CDH2: variants seen among roughly 807,000 people sequenced by gnomAD.
CDH2 encodes cadherin-2.
A neutral mutation model predicts 92.0 loss-of-function variants in CDH2; 17 were observed. The observed-to-expected ratio is 0.18, with a 90% CI of 0.13 to 0.28. CDH2 has a LOEUF of 0.28. Among genes scored for constraint, CDH2 ranks in the 10% least tolerant of loss-of-function variants. The pLI, the probability that CDH2 is intolerant of heterozygous loss-of-function variation, is 1.00. For synonymous variants in CDH2, 419 were observed against 415.9 expected (o/e 1.01, Z -0.09); for missense variants, 862 against 1,133.1 (o/e 0.76, Z 3.44).
At chr18:27,967,669 T>C (rs2011563355) in intron 14 of CDH2, among the ~76,000 whole-genome samples, 1 of 152,242 alleles carries the variant, frequency 6.6e-6, no homozygotes. Context: ...GGAATATGTG[T>C]TAATTGGCAA....
intron 1 of CDH2, among the ~76,000 whole-genome samples, chr18:28,154,639 G>A (rs1219060122): frequency 1.3e-5 from 2 of 152,122 alleles, no homozygotes; most frequent in Admixed American, 6.5e-5. Flanking sequence ...CTTTAAAGCC[G>A]AGTCCACTAC....
At chr18:28,093,506 ATTTAGC>A (rs1188411501) in intron 2 of CDH2, among the ~76,000 whole-genome samples, 1 of 152,096 alleles carries the variant, frequency 6.6e-6, no homozygotes, top group African/African-American at 2.4e-5. Context: ...GGAAGATACT[ATTTAGC>A]TTTGTCTGGT....
chr18:28,146,527 A>T (rs891772506), intron 2 of CDH2: 1 of 152,128 alleles, frequency 6.6e-6, no homozygotes, highest in African/African-American at 2.4e-5. Flanking sequence ...GGCAGGGACA[A>T]GAGAATGCCT....
chr18:28,039,569 A>G (rs2013908565), intron 2 of CDH2, among the ~76,000 whole-genome samples: 1 of 152,206 alleles, frequency 6.6e-6, no homozygotes, highest in African/African-American at 2.4e-5. Flanking sequence ...TGCCATTATT[A>G]GGGACCAAAT....
At chr18:28,047,929 T>G (rs2014114143) in intron 2 of CDH2, among the ~76,000 whole-genome samples, 1 of 151,822 alleles carries the variant, frequency 6.6e-6, no homozygotes, top group South Asian at 2.1e-4. Context: ...GTGATATGTT[T>G]TTGCCTCTAT....
intron 1 of CDH2, 23 bp downstream of exon 1, chr18:28,176,940 G>A: frequency 1.7e-6 from 2 of 1,171,236 alleles, no homozygotes; most frequent in Non-Finnish European, 1.1e-6. Flanking sequence ...CCCGTGGCCC[G>A]GCCCGCGGGG....
chr18:27,974,917 T>C (rs189741510), intron 14 of CDH2, among the ~76,000 whole-genome samples: 103 of 152,336 alleles, frequency 6.8e-4, no homozygotes, highest in African/African-American at 1.9e-3. Context: ...CTACACAGTT[T>C]ATGAAATTTT....
At chr18:28,137,009 C>T (rs1423040256) in intron 2 of CDH2, among the ~76,000 whole-genome samples, 1 of 152,044 alleles carries the variant, frequency 6.6e-6, no homozygotes, top group East Asian at 1.9e-4. Context: ...GAGTTATTTC[C>T]TACACTTTTT....
intron 2 of CDH2, among the ~76,000 whole-genome samples, chr18:28,046,413 C>T (rs187764032): frequency 1.4e-4 from 22 of 151,928 alleles, no homozygotes; most frequent in Admixed American, 7.2e-4. Flanking sequence ...GATAGTTATG[C>T]TATAATAAAA....
chr18:28,023,803 T>C (rs2013474729), intron 2 of CDH2, among the ~76,000 whole-genome samples: 1 of 152,178 alleles, frequency 6.6e-6, no homozygotes, highest in South Asian at 2.1e-4. Flanking sequence ...AATTTAATAA[T>C]CTATTTGATT....
At chr18:28,036,348 T>C in intron 2 of CDH2, 1 of 671,704 alleles carries the variant, frequency 1.5e-6, no homozygotes, top group Non-Finnish European at 2.6e-6. Context: ...CACATAAGCA[T>C]TAAATTCCTT....
chr18:28,114,801 CACTACA>C (rs1328732646), intron 2 of CDH2, among the ~76,000 whole-genome samples: 1 of 151,678 alleles, frequency 6.6e-6, no homozygotes, highest in Non-Finnish European at 1.5e-5. Context: ...ACCTTAGGCA[CACTACA>C]ACCTTAGACT....
chr18:27,952,303 C>T lies in CDH2; in HGVS notation c.2571G>A (p.Val857=). The T allele has an allele frequency of 6.2e-7, 1 of 1,613,514 alleles. No individual in the cohort carries two copies. The highest frequency in any genetic ancestry group is 1.1e-5 in the South Asian group (1 of 91,066). Reference sequence around the variant, plus strand: ...TGGAGCCACTGCCTTCATAGTCAAACACTAACAGGGAGTCATATGGTGGAG... The same window carrying T: ...TGGAGCCACTGCCTTCATAGTCAAATACTAACAGGGAGTCATATGGTGGAG... ...PTAPPYDSLL[V]FDYEGSGSTA... is the part of the protein sequence containing the mutation. The change falls in exon 16 of 16, where the codon GTG becomes GTA. Residue 857 remains valine, a synonymous_variant. Transcript: ENST00000269141.
chr18:27,980,144 CG>C (rs1209150309), intron 14 of CDH2, among the ~76,000 whole-genome samples: 3 of 152,126 alleles, frequency 2.0e-5, no homozygotes, highest in African/African-American at 7.2e-5. Context: ...CTTTAAAAAC[CG>C]TAAGGATAAA....
At chr18:27,967,742 A>ATT (rs142845848) in intron 14 of CDH2, among the ~76,000 whole-genome samples, 2 of 151,680 alleles carry the variant, frequency 1.3e-5, no homozygotes, top group Non-Finnish European at 2.9e-5. Context: ...AGTAACTTAA[A>ATT]TTTTTTTTTG....
chr18:28,053,514 C>T (rs1230595701), intron 2 of CDH2, among the ~76,000 whole-genome samples: 2 of 152,152 alleles, frequency 1.3e-5, no homozygotes, highest in African/African-American at 4.8e-5. Flanking sequence ...CTTAGGAGTA[C>T]ACTCATGTAA....
chr18:28,103,504 T>TAC (rs939831567), intron 2 of CDH2, among the ~76,000 whole-genome samples: 16 of 149,584 alleles, frequency 1.1e-4, no homozygotes, highest in African/African-American at 2.9e-4. Context: ...CACACATATA[T>TAC]ACACACACAC....
intron 2 of CDH2, among the ~76,000 whole-genome samples, chr18:28,120,000 G>A (rs1015851478): frequency 3.9e-5 from 6 of 152,034 alleles, no homozygotes; most frequent in East Asian, 1.9e-4. Flanking sequence ...CAAAGTCATC[G>A]TATCTTTCCT....
In CDH2 at chr18:28,134,361, C is replaced by G. The variant is rs1273416149; in HGVS notation, c.172+13312G>C. On this transcript the variant is annotated intron_variant, in intron 2 of 15. Coordinates refer to ENST00000269141, the MANE Select transcript of CDH2 (RefSeq NM_001792.5). ...CCAACTACCTGTCCCCTTCCCCCAGCCTTTCCCCCACAAAAAAGAACTAAA... is the reference window on the plus strand; with the variant it reads ...CCAACTACCTGTCCCCTTCCCCCAGGCTTTCCCCCACAAAAAAGAACTAAA... Among the ~76,000 whole-genome samples, 4 of 151,976 alleles carry G rather than the reference C, an allele frequency of 2.6e-5. No homozygotes were observed. In the South Asian group the frequency reaches 6.2e-4, roughly 24 times the overall value.
Sources: allele counts gnomAD v4.1 joint callset (sites outside exome capture counted in the v4.1 genomes callset), GRCh38; gene constraint gnomAD v4.1.1; transcripts MANE v1.5; gene names NCBI Gene and HGNC (gene_info 2026-07-23, HGNC 2026-07-21).